CTTNBP2: variants seen among roughly 807,000 people sequenced by gnomAD.
CTTNBP2 encodes cortactin binding protein 2.
CTTNBP2 carries 108 observed loss-of-function variants against 156.9 expected under a neutral mutation model. The observed-to-expected ratio is 0.69, with a 90% CI of 0.59 to 0.81. The LOEUF (loss-of-function observed/expected upper bound fraction) is 0.81, where lower values mean the gene tolerates loss of function less well. Ranked by LOEUF, CTTNBP2 falls within the 30% of genes least tolerant of loss-of-function variation. The pLI, the probability that CTTNBP2 is intolerant of heterozygous loss-of-function variation, is 0.00. For synonymous variants in CTTNBP2, 767 were observed against 751.8 expected (o/e 1.02, Z -0.33); for missense variants, 1,924 against 2,035.4 (o/e 0.95, Z 1.05).
rs1026095433 is a variant in CTTNBP2 at position 117,791,346 on chromosome 7, A to G, written c.1850T>C (p.Ile617Thr). 8.1e-6 allele frequency: 13 copies of G among 1,614,068 alleles called. No individual in the cohort carries two copies. Among genetic ancestry groups the G allele is most frequent in the Non-Finnish European group, 1.1e-5 (13 of 1,179,956 alleles). ...SSPQLPPKPS[I>T]DLTVAPAGCA... ...GCCTGCAGGTGCCACAGTTAAATCTATGGATGGTTTTGGTGGCAGCTGAGG... is the reference window on the plus strand; with the variant it reads ...GCCTGCAGGTGCCACAGTTAAATCTGTGGATGGTTTTGGTGGCAGCTGAGG... Residue 617 changes from isoleucine (I) to threonine (T), a missense_variant, in exon 4 of 23, where the codon ATA becomes ACA. Ile to Thr is a moderately conservative substitution (Grantham distance 89, BLOSUM62 -1). Transcript: ENST00000160373.
At chr7:117,798,336 T>C (rs1008885469) in intron 3 of CTTNBP2, among the ~76,000 whole-genome samples, 1 of 152,180 alleles carries the variant, frequency 6.6e-6, no homozygotes, top group African/African-American at 2.4e-5. Flanking sequence ...TGCTGAGCTA[T>C]TGAGAACTAC....
intron 9 of CTTNBP2, among the ~76,000 whole-genome samples, chr7:117,761,467 T>C (rs1797213794): frequency 6.6e-6 from 1 of 152,232 alleles, no homozygotes; most frequent in Admixed American, 6.5e-5. Flanking sequence ...GTTACTTGTG[T>C]TTGTTTCCAA....
chr7:117,751,169 C>A (rs1026826855), intron 12 of CTTNBP2, among the ~76,000 whole-genome samples: 1 of 152,210 alleles, frequency 6.6e-6, no homozygotes, highest in African/African-American at 2.4e-5. Context: ...CTCCACAATG[C>A]TTTCCTGCAG....
In CTTNBP2 at chr7:117,724,591, C is replaced by T. The variant is rs199894333; in HGVS notation, c.4403G>A (p.Arg1468His). 22 of 1,613,950 alleles carry T rather than the reference C, an allele frequency of 1.4e-5. No homozygotes were observed. In the East Asian group the frequency reaches 1.6e-4, roughly 11 times the overall value. Residue 1468 changes from arginine to histidine, a missense_variant, in exon 19 of 23, where the codon CGC becomes CAC. By Grantham distance (29) the Arg-to-His change is conservative (BLOSUM62 0). Transcript: ENST00000160373. ...CTTATTCCAGGTGGGTAAAGAGAAG[C>T]GGCCAGACTTCCTGCGAGGACTGGT... is the stretch of plus-strand genomic sequence containing the variant. ...VNTSPRRKSG[R>H]FSLPTWNKPD...
chr7:117,832,425 G>T (rs181174561), intron 2 of CTTNBP2, among the ~76,000 whole-genome samples: 1 of 152,008 alleles, frequency 6.6e-6, no homozygotes, highest in Admixed American at 6.6e-5. Flanking sequence ...AGGTATTACC[G>T]TATTTCTCCA....
intron 12 of CTTNBP2, among the ~76,000 whole-genome samples, chr7:117,750,706 G>C (rs1003171478): frequency 2.6e-5 from 4 of 152,116 alleles, no homozygotes. Context: ...GCTTTGCTAA[G>C]ACATTACATA....
intron 1 of CTTNBP2, among the ~76,000 whole-genome samples, chr7:117,862,526 A>G (rs555675861): frequency 6.6e-6 from 1 of 152,184 alleles, no homozygotes; most frequent in Non-Finnish European, 1.5e-5. Flanking sequence ...CATTCGTTTT[A>G]GAGATAAAGC....
intron 2 of CTTNBP2, among the ~76,000 whole-genome samples, chr7:117,847,975 C>T (rs1243225774): frequency 4.0e-5 from 6 of 151,826 alleles, no homozygotes; most frequent in African/African-American, 9.7e-5. Context: ...TGTGCTGCCA[C>T]GCCCAGCTAA....
intron 1 of CTTNBP2, 73 bp downstream of exon 1, chr7:117,873,262 C>A: frequency 2.6e-6 from 3 of 1,168,674 alleles, no homozygotes; most frequent in South Asian, 2.5e-5. Flanking sequence ...GAAGTCGGGT[C>A]CGGCTGGGAC....
At chr7:117,854,022 A>G (rs1803097384) in intron 2 of CTTNBP2, among the ~76,000 whole-genome samples, 2 of 152,200 alleles carry the variant, frequency 1.3e-5, no homozygotes, top group South Asian at 4.1e-4. Context: ...TGATTATTTC[A>G]GTGTTTGTCC....
chr7:117,869,611 G>C (rs565162622), intron 1 of CTTNBP2, among the ~76,000 whole-genome samples: 1 of 152,300 alleles, frequency 6.6e-6, no homozygotes, highest in Non-Finnish European at 1.5e-5. Flanking sequence ...ATAAAGTTAT[G>C]AGAAACACAC....
At chr7:117,727,271 A>T (rs950872785) in intron 17 of CTTNBP2, among the ~76,000 whole-genome samples, 7 of 152,164 alleles carry the variant, frequency 4.6e-5, no homozygotes, top group African/African-American at 1.7e-4. Flanking sequence ...AGCTCACTGC[A>T]GTCTTGACCT....
chr7:117,863,929 G>A (rs1803937211), intron 1 of CTTNBP2, among the ~76,000 whole-genome samples: 1 of 152,098 alleles, frequency 6.6e-6, no homozygotes, highest in Non-Finnish European at 1.5e-5. Context: ...CAATTCTTAT[G>A]TGCTTTAGAG....
rs753074745 is a variant in CTTNBP2, at chr7:117,777,611, G to C, written c.2678C>G (p.Pro893Arg). Residue 893 changes from proline (P) to arginine (R), a missense_variant, in exon 8 of 23, where the codon CCT becomes CGT. Coordinates refer to ENST00000160373, the MANE Select transcript of CTTNBP2 (RefSeq NM_033427.3). Reference sequence around the variant, plus strand: ...AACAACAGGCTTGGATATGCCTTCAGGACTCTCTTCTCCTCCATCCAAGTC... The same window carrying C: ...AACAACAGGCTTGGATATGCCTTCACGACTCTCTTCTCCTCCATCCAAGTC... ...VFDLDGGEES[P>R]EGISKPVVPA... The C allele has an allele frequency of 1.9e-6, 3 of 1,613,928 alleles. No homozygotes were observed. In the Admixed American group the frequency reaches 5.0e-5, roughly 27 times the overall value.
intron 2 of CTTNBP2, among the ~76,000 whole-genome samples, chr7:117,811,485 T>C (rs1275050165): frequency 6.6e-6 from 1 of 152,106 alleles, no homozygotes; most frequent in African/African-American, 2.4e-5. Context: ...GATTTTTTAA[T>C]TAAGATGGGA....
intron 12 of CTTNBP2, among the ~76,000 whole-genome samples, chr7:117,753,181 T>C (rs1304641578): frequency 6.6e-6 from 1 of 151,964 alleles, no homozygotes; most frequent in Non-Finnish European, 1.5e-5. Flanking sequence ...ATTAGAGAAA[T>C]GCAAATCAAA....
chr7:117,779,238 AGT>A (rs1321579041), intron 7 of CTTNBP2, among the ~76,000 whole-genome samples: 1 of 152,192 alleles, frequency 6.6e-6, no homozygotes, highest in Non-Finnish European at 1.5e-5. Context: ...ACTACTGAAG[AGT>A]GTAAGTGCTT....
intron 16 of CTTNBP2, among the ~76,000 whole-genome samples, chr7:117,728,659 T>C (rs901810633): frequency 6.6e-6 from 1 of 152,226 alleles, no homozygotes. Context: ...GTATATATCA[T>C]GATGTTTTGA....
chr7:117,823,666 G>A (rs942710290), intron 2 of CTTNBP2, among the ~76,000 whole-genome samples: 3 of 152,142 alleles, frequency 2.0e-5, no homozygotes, highest in African/African-American at 7.2e-5. Flanking sequence ...CCAAGGATAA[G>A]AACTAGTAAC....
Sources: allele counts gnomAD v4.1 joint callset (sites outside exome capture counted in the v4.1 genomes callset), GRCh38; gene constraint gnomAD v4.1.1; transcripts MANE v1.5; gene names NCBI Gene and HGNC (gene_info 2026-07-23, HGNC 2026-07-21).